The following MAP4K4 variants were observed in gnomAD, a reference collection of about 807,000 sequenced individuals.
MAP4K4 encodes the protein mitogen-activated protein kinase kinase kinase kinase 4, also known as HPK/GCK-like kinase HGK.
In MAP4K4, 38 loss-of-function variants were observed where a neutral mutation model predicts 189.6. The observed-to-expected ratio is 0.20, with a 90% CI of 0.15 to 0.26. MAP4K4 has a LOEUF of 0.26. Ranked by LOEUF, MAP4K4 falls within the 10% of genes least tolerant of loss-of-function variation. The pLI, the probability that MAP4K4 is intolerant of heterozygous loss-of-function variation, is 1.00. For missense variants in MAP4K4, 1,054 were observed against 1,726.9 expected (o/e 0.61, Z 6.91); for synonymous variants, 610 against 624.3 (o/e 0.98, Z 0.34).
chr2:101,890,025 C>T (rs2098542810), intron 32 of MAP4K4, among the ~76,000 whole-genome samples: 1 of 152,168 alleles, frequency 6.6e-6, no homozygotes, highest in Non-Finnish European at 1.5e-5. Flanking sequence ...TTGGCTTATA[C>T]TTTCCTAAGT....
Position 101,882,693 on chromosome 2 carries a change from C to G in MAP4K4, c.3520+8C>G, listed in dbSNP as rs1220064228. The G allele has an allele frequency of 1.9e-6, 3 of 1,541,722 alleles. No homozygotes were observed. Among genetic ancestry groups the G allele is most frequent in the Admixed American group, 2.2e-5 (1 of 44,456 alleles). ...GTGTACATTATAAAGTTGGTAAGTT[C>G]TAGAAGCGTCATATTTTGTTTTTCC... On this transcript the variant is annotated splice_region_variant and intron_variant, in intron 28 of 32. Transcript: ENST00000324219.
Position 101,835,802 on chromosome 2 carries a change from G to A in MAP4K4, c.695-98G>A, listed in dbSNP as rs145956178. 544 of 770,836 alleles carry A rather than the reference G, an allele frequency of 7.1e-4. 2 individuals are homozygous for A. In the African/African-American group the frequency reaches 8.4e-3, roughly 12 times the overall value. The allele number at this position is 770,836 out of a possible 1,614,324, so 47.7% of individuals were successfully genotyped here. On this transcript the variant is annotated intron_variant, in intron 8 of 32. Coordinates refer to ENST00000324219, the Ensembl canonical transcript of MAP4K4. ...TTGGTATGAAGCCTGTCAGTCAGAC[G>A]ATGGGCCAGAGCATTTCATGTTATT...
rs190145726 is a variant in MAP4K4, at chr2:101,884,964, T to C, written c.3521-223T>C. 6.0e-4 allele frequency among the ~76,000 whole-genome samples: 92 copies of C among 152,308 alleles called. No homozygotes were observed. In the Middle Eastern group the frequency reaches 0.01, roughly 17 times the overall value. ...ATCTTGGAATCTATTATAAGAAGAT[T>C]AGGATCATTAGCGAAAGTACTCATT... On this transcript the variant is annotated intron_variant, in intron 28 of 32. Transcript: ENST00000324219.
chr2:101,870,359 G>A lies in MAP4K4; in HGVS notation c.2704G>A (p.Val902Ile). ...GAAAACCATGATTGTCCATGATGAT[G>A]TAGAAAGTGAGCCGGCCATGACCCC... is the stretch of plus-strand genomic sequence containing the variant. Residue 902 changes from valine to isoleucine, a missense_variant, in exon 23 of 33, where the codon GTA (valine) becomes ATA (isoleucine). Physicochemically the swap from Val to Ile is conservative, Grantham distance 29. Around this residue, in one of 4 missense-constraint regions of MAP4K4, gnomAD observed 646 missense variants for 796.2 expected, o/e 0.81. Coordinates refer to ENST00000324219, the Ensembl canonical transcript of MAP4K4. 2.5e-6 allele frequency: 4 copies of A among 1,613,720 alleles called. No individual in the cohort carries two copies. In the South Asian group the frequency reaches 3.3e-5, roughly 13 times the overall value.
chr2:101,723,613 G>T (rs2053516630), intron 2 of MAP4K4, among the ~76,000 whole-genome samples: 3 of 152,198 alleles, frequency 2.0e-5, no homozygotes, highest in Non-Finnish European at 4.4e-5. Context: ...CTCAGTAAGG[G>T]TAAGTCTAGA....
chr2:101,888,764 T>G lies in MAP4K4; in HGVS notation c.3932-32T>G, dbSNP rs753993036. ...TCTTTTCAGGGCTGTTTCCTCATCT[T>G]TAACGGTTTGCAATTTTTCCCTCCC... On this transcript the variant is annotated intron_variant, in intron 31 of 32. Transcript: ENST00000324219. The G allele has an allele frequency of 3.2e-6, 5 of 1,561,312 alleles. 1 individual carries two copies. In the South Asian group the frequency reaches 3.7e-5, roughly 12 times the overall value.
At chr2:101,797,351 A>G (rs1030455863) in intron 3 of MAP4K4, 4 of 1,290,748 alleles carry the variant, frequency 3.1e-6, no homozygotes, top group African/African-American at 1.5e-5. Context: ...TGACTCTGGC[A>G]GACTTACCAC....
In MAP4K4 at chr2:101,777,481, C is replaced by T. The variant is rs931727962; in HGVS notation, c.124-13239C>T. ...CATGGTTTTCTGTGTAGATTAATTC[C>T]GGCTCACAAGGTCCCGCAGGGCGAG... is the stretch of plus-strand genomic sequence containing the variant. On this transcript the variant is annotated intron_variant, in intron 2 of 32. Coordinates refer to ENST00000324219, the Ensembl canonical transcript of MAP4K4. 3.9e-5 allele frequency among the ~76,000 whole-genome samples: 6 copies of T among 152,008 alleles called. 1 individual carries two copies. The highest frequency in any genetic ancestry group is 2.1e-4 in the South Asian group (1 of 4,816).
Position 101,808,798 on chromosome 2 carries a change from TTGTGTG to T in MAP4K4, c.181-15116_181-15111del, listed in dbSNP as rs147383853. ...ATTAATGTATATTTTTTTAGTTTCA[TTGTGTG>T]TGTGTGTGTGTGTAAAGTTATTTTT... is the stretch of plus-strand genomic sequence containing the variant. On this transcript the variant is annotated intron_variant, in intron 3 of 32. Transcript: ENST00000324219. 6.0e-5 allele frequency among the ~76,000 whole-genome samples: 9 copies of T among 150,998 alleles called. No homozygotes were observed. In the East Asian group the frequency reaches 1.2e-3, roughly 20 times the overall value.
At chr2:101,886,728 C>G (rs1352538479) in intron 29 of MAP4K4, among the ~76,000 whole-genome samples, 1 of 152,166 alleles carries the variant, frequency 6.6e-6, no homozygotes, top group African/African-American at 2.4e-5. Flanking sequence ...GTTGGGTCTT[C>G]TCTAGTTTGA....
intron 2 of MAP4K4, among the ~76,000 whole-genome samples, chr2:101,712,073 C>G (rs1405482648): frequency 1.3e-5 from 2 of 151,162 alleles, no homozygotes; most frequent in East Asian, 3.9e-4. Flanking sequence ...GTTTGTAGCA[C>G]ATGTTTTTAA....
intron 3 of MAP4K4, among the ~76,000 whole-genome samples, chr2:101,797,787 A>C (rs2093878897): frequency 6.6e-6 from 1 of 151,760 alleles, no homozygotes; most frequent in Non-Finnish European, 1.5e-5. Flanking sequence ...GATTTTGAGA[A>C]CTAATAGTTC....
chr2:101,713,595 TAAAAAA>T (rs35743081), intron 2 of MAP4K4, among the ~76,000 whole-genome samples: 27 of 117,718 alleles, frequency 2.3e-4, no homozygotes, highest in African/African-American at 8.8e-4. Context: ...AGACCTTGTC[TAAAAAA>T]AAAAAAAAAA....
At chr2:101,844,298 G>A (rs750347302) in exon 12 of MAP4K4, 27 of 1,560,090 alleles carry the variant, frequency 1.7e-5, no homozygotes, top group South Asian at 2.4e-5. Flanking sequence ...GAACAGAGGC[G>A]ACGGCTAGAA....
intron 2 of MAP4K4, among the ~76,000 whole-genome samples, chr2:101,699,404 AT>A (rs2036832810): frequency 6.6e-6 from 1 of 152,186 alleles, no homozygotes; most frequent in Non-Finnish European, 1.5e-5. Flanking sequence ...TGTGTAGGGA[AT>A]GGAGGCGCAG....
At chr2:101,876,349 G>A (rs1243205354) in intron 26 of MAP4K4, among the ~76,000 whole-genome samples, 1 of 152,198 alleles carries the variant, frequency 6.6e-6, no homozygotes, top group Admixed American at 6.5e-5. Context: ...GCAGAAGAGT[G>A]TGGAGACTGT....
chr2:101,743,626 C>T (rs2063821467), intron 2 of MAP4K4, among the ~76,000 whole-genome samples: 1 of 151,972 alleles, frequency 6.6e-6, no homozygotes, highest in African/African-American at 2.4e-5. Flanking sequence ...AATACCTCTA[C>T]ATTTTAAACC....
At chr2:101,808,845 C>CT (rs1318701181) in intron 3 of MAP4K4, among the ~76,000 whole-genome samples, 1 of 151,640 alleles carries the variant, frequency 6.6e-6, no homozygotes, top group African/African-American at 2.4e-5. Flanking sequence ...GATGGAAAGG[C>CT]TTTTTTCTCT....
chr2:101,705,144 T>C (rs537663989), intron 2 of MAP4K4, among the ~76,000 whole-genome samples: 1 of 152,316 alleles, frequency 6.6e-6, no homozygotes, highest in African/African-American at 2.4e-5. Flanking sequence ...GTTATCTAGA[T>C]AGCATTAGGT....
Sources: allele counts gnomAD v4.1 joint callset (sites outside exome capture counted in the v4.1 genomes callset), GRCh38; gene constraint gnomAD v4.1.1; regional missense constraint gnomAD v4.1.1; transcripts MANE v1.5; gene names NCBI Gene and HGNC (gene_info 2026-07-23, HGNC 2026-07-21).